Variants in USP40 observed in about 807,000 individuals in gnomAD.
The protein encoded by USP40 is ubiquitin carboxyl-terminal hydrolase 40.
A neutral mutation model predicts 166.2 loss-of-function variants in USP40; 143 were observed. That is an observed-to-expected ratio of 0.86 (90% CI 0.75 to 0.99). USP40 has a LOEUF of 0.99. Among genes scored for constraint, USP40 ranks in the 50% least tolerant of loss-of-function variants. USP40 has a pLI of 0.00. For missense variants in USP40, 1,444 were observed against 1,479.7 expected (o/e 0.98, Z 0.40); for synonymous variants, 498 against 524.0 (o/e 0.95, Z 0.68).
rs2064206002 is a variant in USP40 at position 233,476,881 on chromosome 2, G to A, written c.*511C>T. The A allele has an allele frequency of 5.2e-6, 1 of 193,946 alleles. No homozygotes were observed. Among genetic ancestry groups the A allele is most frequent in the African/African-American group, 2.4e-5 (1 of 42,100 alleles). 12.0% of individuals were successfully genotyped at this position (193,946 alleles called of 1,614,324 possible). A position where few individuals can be genotyped will look rare whatever the true frequency, so the allele number is the denominator to read the frequency against. ...CGGGGCCGGAACGAGTGGGGGAAATGAAGTCCTGAAAGCAGACCCCACTTC... is the reference window on the plus strand; with the variant it reads ...CGGGGCCGGAACGAGTGGGGGAAATAAAGTCCTGAAAGCAGACCCCACTTC... On this transcript the variant is annotated 3_prime_UTR_variant, in exon 32 of 32. Transcript: ENST00000678225.
chr2:233,522,171 A>G (rs942793816), intron 16 of USP40, among the ~76,000 whole-genome samples: 1 of 152,202 alleles, frequency 6.6e-6, no homozygotes, highest in Non-Finnish European at 1.5e-5. Context: ...GGGGTAATGG[A>G]AAGCAGGATA....
chr2:233,513,789 T>G (rs944627669), intron 18 of USP40, among the ~76,000 whole-genome samples: 2 of 152,172 alleles, frequency 1.3e-5, no homozygotes, highest in Non-Finnish European at 2.9e-5. Flanking sequence ...GATCCCCTGG[T>G]GCTTGGAAGG....
At chr2:233,514,369 C>G (rs2067037995) in intron 18 of USP40, among the ~76,000 whole-genome samples, 1 of 151,966 alleles carries the variant, frequency 6.6e-6, no homozygotes. Context: ...CATATAAGAC[C>G]AAATAAACAG....
At chr2:233,478,339 C>T (rs1308978270) in intron 31 of USP40, among the ~76,000 whole-genome samples, 2 of 152,150 alleles carry the variant, frequency 1.3e-5, no homozygotes, top group African/African-American at 2.4e-5. Flanking sequence ...CCTCAACACA[C>T]GAGTCTTTCC....
chr2:233,553,302 GA>G (rs2070752210), intron 6 of USP40, among the ~76,000 whole-genome samples: 1 of 152,096 alleles, frequency 6.6e-6, no homozygotes, highest in Admixed American at 6.5e-5. Context: ...AGAGAATTGT[GA>G]AAAGGAAATA....
intron 31 of USP40, 28 bp downstream of exon 31, chr2:233,481,175 G>A (rs748430224): frequency 6.4e-7 from 1 of 1,566,550 alleles, no homozygotes; most frequent in Non-Finnish European, 8.7e-7. Context: ...TCTGTCAGCT[G>A]CACATCTGTG....
intron 4 of USP40, 52 bp downstream of exon 4, chr2:233,559,759 T>C: frequency 7.5e-7 from 1 of 1,329,860 alleles, no homozygotes; most frequent in South Asian, 1.3e-5. Flanking sequence ...AAACCAGCCT[T>C]ATTCTTTCCT....
chr2:233,511,133 G>A (rs371803568), intron 20 of USP40, among the ~76,000 whole-genome samples: 11 of 152,268 alleles, frequency 7.2e-5, no homozygotes, highest in East Asian at 3.9e-4. Context: ...TTTCTGCACT[G>A]TAATAAGCTG....
chr2:233,509,337 C>A (rs2066638097), intron 21 of USP40, among the ~76,000 whole-genome samples: 1 of 152,122 alleles, frequency 6.6e-6, no homozygotes, highest in Admixed American at 6.5e-5. Context: ...TAATTATTTA[C>A]TTTATCACAT....
intron 21 of USP40, among the ~76,000 whole-genome samples, chr2:233,500,369 T>G (rs2065997379): frequency 6.6e-6 from 1 of 152,180 alleles, no homozygotes; most frequent in Non-Finnish European, 1.5e-5. Flanking sequence ...TCCCTAAATA[T>G]AAAAACTCAC....
chr2:233,542,425 T>A, intron 8 of USP40, 62 bp from the exon 9 acceptor site: 1 of 1,026,162 alleles, frequency 9.7e-7, no homozygotes, highest in Non-Finnish European at 1.4e-6. Context: ...AAAATAGGAA[T>A]GTTGGCCAGG....
At chr2:233,535,243 A>G (rs2068851918) in intron 10 of USP40, among the ~76,000 whole-genome samples, 2 of 152,228 alleles carry the variant, frequency 1.3e-5, no homozygotes, top group Admixed American at 1.3e-4. Flanking sequence ...AGCAGAGAGT[A>G]TCAGTTAGGA....
chr2:233,496,837 G>T lies in USP40; in HGVS notation c.2716-5C>A. ...AAGTTCTTTCAGTGTTGCATCCTGG[G>T]AAGACAAAAATGCTTTTTTGTCACT... On this transcript the variant is annotated splice_polypyrimidine_tract_variant and splice_region_variant and intron_variant, in intron 23 of 31. Transcript: ENST00000678225. 6.2e-7 allele frequency: 1 copy of T among 1,611,092 alleles called. No homozygotes were observed. Among genetic ancestry groups the T allele is most frequent in the South Asian group, 1.1e-5 (1 of 90,638 alleles).
chr2:233,542,216 C>A (rs1197757173), intron 9 of USP40, 52 bp downstream of exon 9: 3 of 1,070,020 alleles, frequency 2.8e-6, no homozygotes, highest in Non-Finnish European at 4.0e-6. Flanking sequence ...CACATGCACA[C>A]ATACACACAA....
Position 233,549,229 on chromosome 2 carries a change from T to C in USP40, c.838A>G (p.Ser280Gly), listed in dbSNP as rs1169491416. 1.4e-6 allele frequency: 2 copies of C among 1,390,810 alleles called. No individual in the cohort carries two copies. Among genetic ancestry groups the C allele is most frequent in the African/African-American group, 2.9e-5 (2 of 69,216 alleles). 86.2% of individuals were successfully genotyped at this position (1,390,810 alleles called of 1,614,324 possible). ...RINLKPFCEQ[S>G]ELDDLEYIYD... ...ATATATTCTAAGTCATCCAATTCACTCTAAAAGAAAAAAGAACAAAAATAT... is the reference window on the plus strand; with the variant it reads ...ATATATTCTAAGTCATCCAATTCACCCTAAAAGAAAAAAGAACAAAAATAT... Residue 280 changes from serine to glycine, a missense_variant and splice_region_variant, in exon 8 of 32, where the codon AGT (serine) becomes GGT (glycine). Coordinates refer to ENST00000678225, the MANE Select transcript of USP40 (RefSeq NM_001365479.2).
At chr2:233,562,853 A>G (rs1353018173) in intron 2 of USP40, 50 bp from the exon 3 acceptor site, 4 of 1,439,394 alleles carry the variant, frequency 2.8e-6, no homozygotes, top group South Asian at 1.4e-5. Flanking sequence ...TTTCATTTTA[A>G]AAAATTGTTT....
At chr2:233,548,918 T>C (rs1466664201) in intron 8 of USP40, among the ~76,000 whole-genome samples, 183 bp downstream of exon 8, 1 of 152,148 alleles carries the variant, frequency 6.6e-6, no homozygotes, top group East Asian at 1.9e-4. Flanking sequence ...TGGTAATTTT[T>C]CTGTATGTGT....
In USP40 at chr2:233,485,944, G is replaced by A; in HGVS notation, c.3231C>T (p.Arg1077=). ...PQDVLLRTQV[R]IPGERTYAPA... is the part of the protein sequence containing the mutation. ...GGGCATAGGTCCTCTCACCAGGGAT[G>A]CGCACCTGTGTCCTCAGCAGCACGT... The change falls in exon 29 of 32, where the codon CGC becomes CGT. Residue 1077 remains arginine, a synonymous_variant. Transcript: ENST00000678225. The A allele has an allele frequency of 6.3e-7, 1 of 1,593,220 alleles. No individual in the cohort carries two copies. Among genetic ancestry groups the A allele is most frequent in the Non-Finnish European group, 8.5e-7 (1 of 1,171,220 alleles).
At chr2:233,498,177 T>C (rs1329971435) in intron 23 of USP40, among the ~76,000 whole-genome samples, 2 of 152,154 alleles carry the variant, frequency 1.3e-5, no homozygotes, top group African/African-American at 4.8e-5. Context: ...CTGCCACCAT[T>C]ACCTTACAGA....
Sources: gnomAD v4.1 joint callset for allele counts (sites outside exome capture counted in the v4.1 genomes callset) on GRCh38, gnomAD v4.1.1 for gene constraint, MANE v1.5 for transcripts, NCBI Gene and HGNC (gene_info 2026-07-23, HGNC 2026-07-21) for gene names.